Variants in TMEM132D observed in about 807,000 individuals in gnomAD.
TMEM132D encodes transmembrane protein 132D, also known as mature OL transmembrane protein.
A neutral mutation model predicts 62.3 loss-of-function variants in TMEM132D; 21 were observed. That is an observed-to-expected ratio of 0.34 (90% CI 0.24 to 0.49). TMEM132D has a LOEUF of 0.49. Ranked by LOEUF, TMEM132D falls within the 20% of genes least tolerant of loss-of-function variation. The pLI, the probability that TMEM132D is intolerant of heterozygous loss-of-function variation, is 0.99. For synonymous variants in TMEM132D, 621 were observed against 575.6 expected (o/e 1.08, Z -1.13); for missense variants, 1,346 against 1,402.8 (o/e 0.96, Z 0.65).
rs1450709565 is a variant in TMEM132D, at chr12:129,417,397, AC to A, written c.1116-79581del. 2.6e-5 allele frequency among the ~76,000 whole-genome samples: 4 copies of A among 152,194 alleles called. No homozygotes were observed. The South Asian group carries it at 6.2e-4, about 24-fold the overall frequency. ...ACAGAGGCCTCAGAAATAACACCACACATCTACAACCATCTGATCTTTGACA... is the reference window on the plus strand; with the variant it reads ...ACAGAGGCCTCAGAAATAACACCACAATCTACAACCATCTGATCTTTGACA... On this transcript the variant is annotated intron_variant, in intron 3 of 8. Transcript: ENST00000422113.
At chr12:129,778,196 AAAC>A (rs998349319) in intron 1 of TMEM132D, among the ~76,000 whole-genome samples, 1 of 152,040 alleles carries the variant, frequency 6.6e-6, no homozygotes, top group African/African-American at 2.4e-5. Flanking sequence ...CAGAAAAAAA[AAAC>A]ACAAATATTT....
In TMEM132D at chr12:129,283,840, C is replaced by T. The variant is rs115106968; in HGVS notation, c.1299+53794G>A. 6.6e-3 allele frequency among the ~76,000 whole-genome samples: 1,008 copies of T among 152,314 alleles called. 10 individuals are homozygous for T. The highest frequency in any genetic ancestry group is 0.022 in the African/African-American group (920 of 41,572). The stretch of plus-strand genomic sequence containing the variant: ...GAAGTGAGCCTCCAAAGACAGCCTC[C>T]GACAATTCCTCCTCTCTGTGTACAT... On this transcript the variant is annotated intron_variant, in intron 4 of 8. Coordinates refer to ENST00000422113, the MANE Select transcript of TMEM132D (RefSeq NM_133448.3).
At chr12:129,780,345 G>T (rs1377395780) in intron 1 of TMEM132D, among the ~76,000 whole-genome samples, 1 of 148,302 alleles carries the variant, frequency 6.7e-6, no homozygotes, top group African/African-American at 2.4e-5. Flanking sequence ...GGGGAGGGGG[G>T]GGGCCGGGGG....
At chr12:129,546,221 T>C (rs926674197) in intron 2 of TMEM132D, among the ~76,000 whole-genome samples, 1 of 152,234 alleles carries the variant, frequency 6.6e-6, no homozygotes, top group African/African-American at 2.4e-5. Flanking sequence ...GCTTATTTTA[T>C]TTAACAAATG....
At chr12:129,468,726 C>T (rs540471958) in intron 3 of TMEM132D, among the ~76,000 whole-genome samples, 2 of 152,194 alleles carry the variant, frequency 1.3e-5, no homozygotes, top group Admixed American at 6.5e-5. Flanking sequence ...CTCTCTACTT[C>T]GTAAGATATT....
chr12:129,524,092 G>T (rs1875936983), intron 3 of TMEM132D, among the ~76,000 whole-genome samples: 1 of 151,912 alleles, frequency 6.6e-6, no homozygotes, highest in East Asian at 1.9e-4. Context: ...GGGGTGGGGG[G>T]AGTGGGGAGG....
intron 2 of TMEM132D, among the ~76,000 whole-genome samples, chr12:129,606,541 A>C (rs1215184552): frequency 6.6e-6 from 1 of 152,178 alleles, no homozygotes; most frequent in Non-Finnish European, 1.5e-5. Context: ...GCAGGCAGAC[A>C]GCTGAGGACC....
intron 1 of TMEM132D, among the ~76,000 whole-genome samples, chr12:129,714,896 G>A (rs1302423730): frequency 6.6e-6 from 1 of 152,236 alleles, no homozygotes; most frequent in East Asian, 1.9e-4. Context: ...TAGTGAGGAG[G>A]GTGCAGTTTG....
intron 3 of TMEM132D, among the ~76,000 whole-genome samples, chr12:129,405,218 C>T (rs1871745048): frequency 6.6e-6 from 1 of 152,102 alleles, no homozygotes; most frequent in Admixed American, 6.5e-5. Flanking sequence ...CTGGTGAGGG[C>T]TCTCTTACTG....
chr12:129,715,235 G>A (rs1312938104), intron 1 of TMEM132D, among the ~76,000 whole-genome samples: 1 of 151,936 alleles, frequency 6.6e-6, no homozygotes, highest in African/African-American at 2.4e-5. Context: ...AAGGGGAGGA[G>A]GAAGAGGAGC....
At chr12:129,760,616 G>A (rs911761509) in intron 1 of TMEM132D, among the ~76,000 whole-genome samples, 2 of 150,836 alleles carry the variant, frequency 1.3e-5, no homozygotes, top group Admixed American at 1.3e-4. Flanking sequence ...TGAAGTACTG[G>A]GATTACAGGC....
At chr12:129,744,229 A>C (rs1258278815) in intron 1 of TMEM132D, among the ~76,000 whole-genome samples, 1 of 152,228 alleles carries the variant, frequency 6.6e-6, no homozygotes, top group Non-Finnish European at 1.5e-5. Flanking sequence ...GTTAGCTATT[A>C]CTGTGATATT....
intron 1 of TMEM132D, among the ~76,000 whole-genome samples, chr12:129,817,280 A>G (rs1239806006): frequency 6.6e-6 from 1 of 152,182 alleles, no homozygotes; most frequent in Non-Finnish European, 1.5e-5. Context: ...AGCTGTGCAG[A>G]TGATGTCTTT....
intron 5 of TMEM132D, among the ~76,000 whole-genome samples, chr12:129,102,529 A>C (rs372511816): frequency 6.6e-6 from 1 of 151,596 alleles, no homozygotes; most frequent in Non-Finnish European, 1.5e-5. Flanking sequence ...CACACACACA[A>C]CACACACACA....
rs182172005 is a variant in TMEM132D at position 129,323,253 on chromosome 12, A to T, written c.1299+14381T>A. 7.9e-3 allele frequency among the ~76,000 whole-genome samples: 1,197 copies of T among 151,328 alleles called. 14 individuals carry two copies. The highest frequency in any genetic ancestry group is 0.025 in the African/African-American group (1,048 of 41,272). On this transcript the variant is annotated intron_variant, in intron 4 of 8. Transcript: ENST00000422113. Reference sequence around the variant, plus strand: ...TACCTTACTCGTGTTTTTACAATTTAAAAAAAAAGCGTAAATAGCAACTTT... The same window carrying T: ...TACCTTACTCGTGTTTTTACAATTTTAAAAAAAAGCGTAAATAGCAACTTT...
chr12:129,819,149 C>T (rs1872465552), intron 1 of TMEM132D, among the ~76,000 whole-genome samples: 1 of 152,036 alleles, frequency 6.6e-6, no homozygotes, highest in South Asian at 2.1e-4. Flanking sequence ...AACATAGGTT[C>T]ATGCTGCCCC....
intron 3 of TMEM132D, among the ~76,000 whole-genome samples, chr12:129,459,775 T>C (rs1190646513): frequency 1.3e-5 from 2 of 152,194 alleles, no homozygotes; most frequent in African/African-American, 4.8e-5. Context: ...AAATATTCAG[T>C]TAAGTTGCAT....
At chr12:129,604,442 T>C (rs1003784315) in intron 2 of TMEM132D, among the ~76,000 whole-genome samples, 1 of 152,182 alleles carries the variant, frequency 6.6e-6, no homozygotes, top group Admixed American at 6.5e-5. Context: ...TGAATAAAGG[T>C]GCTATAAACA....
intron 4 of TMEM132D, among the ~76,000 whole-genome samples, chr12:129,297,926 G>A (rs1566025354): frequency 6.6e-6 from 1 of 152,164 alleles, no homozygotes; most frequent in African/African-American, 2.4e-5. Flanking sequence ...CACTCTGGAG[G>A]CTTTTGAGCT....
Sources: allele counts gnomAD v4.1 joint callset (sites outside exome capture counted in the v4.1 genomes callset), GRCh38; gene constraint gnomAD v4.1.1; transcripts MANE v1.5; gene names NCBI Gene and HGNC (gene_info 2026-07-23, HGNC 2026-07-21).